The following C3orf33 variants were observed in gnomAD, a reference collection of about 807,000 sequenced individuals.
The protein encoded by C3orf33 is AP-1 activity suppressor.
In C3orf33, 23 loss-of-function variants were observed where a neutral mutation model predicts 28.7. That is an observed-to-expected ratio of 0.80 (90% CI 0.58 to 1.13). C3orf33 has a LOEUF of 1.13. C3orf33 is among the 50% of genes most tolerant of loss of function. The pLI is 0.00. For missense variants in C3orf33, 327 were observed against 353.4 expected, an observed-to-expected ratio of 0.93 and a Z score of 0.60; for synonymous variants, 119 against 120.5, an observed-to-expected ratio of 0.99 and a Z score of 0.08.
intron 2 of C3orf33, among the ~76,000 whole-genome samples, chr3:155,802,198 GCAC>G (rs1210289329): frequency 6.6e-6 from 1 of 152,160 alleles, no homozygotes; most frequent in Non-Finnish European, 1.5e-5. Flanking sequence ...AAATCAAAAA[GCAC>G]CACAAGAAAA....
intron 2 of C3orf33, among the ~76,000 whole-genome samples, chr3:155,795,016 C>G (rs902547873): frequency 6.6e-6 from 1 of 152,164 alleles, no homozygotes; most frequent in African/African-American, 2.4e-5. Flanking sequence ...AACAAAGAAA[C>G]ATCAAACTTA....
At chr3:155,803,252 T>C (rs1034175804) in intron 1 of C3orf33, among the ~76,000 whole-genome samples, 7 of 152,036 alleles carry the variant, frequency 4.6e-5, no homozygotes, top group Admixed American at 2.6e-4. Context: ...TTTCCTTCCA[T>C]CAATACAACT....
At chr3:155,780,572 A>C (rs1334289852) in intron 2 of C3orf33, among the ~76,000 whole-genome samples, 1 of 152,240 alleles carries the variant, frequency 6.6e-6, no homozygotes, top group Non-Finnish European at 1.5e-5. Context: ...TAACTGAAGG[A>C]ATATAAGAAC....
At chr3:155,776,777 A>AAAAAAAAAAAAAAAAAAAAAAAAAAAAAT (rs1750762728) in intron 2 of C3orf33, among the ~76,000 whole-genome samples, 2 of 130,420 alleles carry the variant, frequency 1.5e-5, no homozygotes, top group Non-Finnish European at 3.2e-5. Flanking sequence ...AAAAAAAAAA[A>AAAAAAAAAAAAAAAAAAAAAAAAAAAAAT]AAAAAAAGAA....
intron 4 of C3orf33, among the ~76,000 whole-genome samples, chr3:155,766,055 G>A (rs1750392846): frequency 6.6e-6 from 1 of 152,084 alleles, no homozygotes. Context: ...ACAAGAAGGG[G>A]TCTCTCTCTA....
At chr3:155,784,830 A>G (rs73021536) in intron 2 of C3orf33, among the ~76,000 whole-genome samples, 2,340 of 151,810 alleles carry the variant, frequency 0.015, 65 homozygotes, top group African/African-American at 0.053. Context: ...AAAAAAACCT[A>G]TAAGGCATAT....
intron 1 of C3orf33, among the ~76,000 whole-genome samples, chr3:155,805,249 G>A (rs1751775354): frequency 6.6e-6 from 1 of 151,830 alleles, no homozygotes; most frequent in African/African-American, 2.4e-5. Context: ...GATCTCTTGA[G>A]ACCAGGAGTT....
intron 4 of C3orf33, among the ~76,000 whole-genome samples, chr3:155,765,897 CAATT>C (rs1283412933): frequency 1.3e-5 from 2 of 152,154 alleles, no homozygotes; most frequent in South Asian, 2.1e-4. Flanking sequence ...ATACTTCAAT[CAATT>C]AGTTTTAGAT....
chr3:155,801,982 C>T (rs548792041), intron 2 of C3orf33, among the ~76,000 whole-genome samples: 29 of 152,242 alleles, frequency 1.9e-4, no homozygotes, highest in South Asian at 1.0e-3. Flanking sequence ...GAACTCCTGA[C>T]CTCAGGTGAT....
chr3:155,765,231 A>G (rs1006859982), intron 4 of C3orf33, among the ~76,000 whole-genome samples: 1 of 152,244 alleles, frequency 6.6e-6, no homozygotes, highest in African/African-American at 2.4e-5. Context: ...GTTTGGATAC[A>G]GGCTTTTCTT....
At chr3:155,799,862 T>A (rs1358962714) in intron 2 of C3orf33, among the ~76,000 whole-genome samples, 2 of 152,032 alleles carry the variant, frequency 1.3e-5, no homozygotes, top group Admixed American at 1.3e-4. Context: ...AACTAAAAAA[T>A]TTAAAAATTG....
chr3:155,803,488 C>T (rs905229117), intron 1 of C3orf33, among the ~76,000 whole-genome samples: 2 of 133,190 alleles, frequency 1.5e-5, no homozygotes, highest in South Asian at 2.5e-4. Context: ...TCGTTTGAAT[C>T]GGGGAGGCAG....
intron 1 of C3orf33, among the ~76,000 whole-genome samples, chr3:155,802,943 C>T (rs1751694470): frequency 6.6e-6 from 1 of 152,070 alleles, no homozygotes; most frequent in South Asian, 2.1e-4. Context: ...TTGGATTGTT[C>T]TCTACTGATC....
chr3:155,783,157 A>AT (rs544861385), intron 2 of C3orf33, among the ~76,000 whole-genome samples: 25,553 of 142,340 alleles, frequency 0.18, 2,426 homozygotes, highest in African/African-American at 0.24. Flanking sequence ...CCCATTCTAC[A>AT]TTTTTTTTTT....
chr3:155,793,384 AG>A (rs60724651), intron 2 of C3orf33, among the ~76,000 whole-genome samples: 52,720 of 144,188 alleles, frequency 0.37, 10,638 homozygotes, highest in Middle Eastern at 0.51. Context: ...TAAAAAAAAA[AG>A]AAAGAAAAAA....
intron 2 of C3orf33, among the ~76,000 whole-genome samples, chr3:155,802,047 G>A (rs1751665923): frequency 6.6e-6 from 1 of 152,044 alleles, no homozygotes; most frequent in Non-Finnish European, 1.5e-5. Flanking sequence ...CCACCGCCCC[G>A]CCCCCTGGAG....
intron 4 of C3orf33, among the ~76,000 whole-genome samples, chr3:155,767,184 C>G (rs978575330): frequency 2.5e-4 from 37 of 150,972 alleles, no homozygotes; most frequent in African/African-American, 9.0e-4. Flanking sequence ...ACCTGAGAGG[C>G]AGAGGTTGCA....
intron 2 of C3orf33, among the ~76,000 whole-genome samples, chr3:155,783,953 CAG>C (rs1354964357): frequency 5.4e-5 from 8 of 147,136 alleles, no homozygotes; most frequent in African/African-American, 2.0e-4. Context: ...TTTTTTGAGA[CAG>C]AGTTTCGCTC....
At chr3:155,774,648 C>T (rs539681024) in intron 3 of C3orf33, among the ~76,000 whole-genome samples, 4 of 144,818 alleles carry the variant, frequency 2.8e-5, no homozygotes, top group East Asian at 4.1e-4. Context: ...TTTCTTAAAA[C>T]GTTATGATAT....
Sources: gnomAD v4.1 joint callset for allele counts (sites outside exome capture counted in the v4.1 genomes callset) on GRCh38, gnomAD v4.1.1 for gene constraint, MANE v1.5 for transcripts, NCBI Gene and HGNC (gene_info 2026-07-23, HGNC 2026-07-21) for gene names.